Variants in FAM133A observed in about 807,000 individuals in gnomAD.
FAM133A encodes family with sequence similarity 133 member A, also known as protein FAM133A.
For missense variants in FAM133A, 159 were observed against 164.4 expected (o/e 0.97, Z 0.18); for synonymous variants, 65 against 58.6 (o/e 1.11, Z -0.50).
At chrX:93,708,471 C>T (rs1490278271) in intron 3 of FAM133A, among the ~76,000 whole-genome samples, 1 of 111,732 alleles carries the variant, frequency 8.9e-6, no homozygotes, top group Non-Finnish European at 1.9e-5. Context: ...TGTAAGGAGA[C>T]AATTTGGTGT....
chrX:93,685,856 C>G (rs1245040524), intron 2 of FAM133A, among the ~76,000 whole-genome samples: 1 of 111,391 alleles, frequency 9.0e-6, no homozygotes, highest in Non-Finnish European at 1.9e-5. Context: ...TGCCTGTAAT[C>G]CCAGCACTTT....
intron 2 of FAM133A, among the ~76,000 whole-genome samples, chrX:93,688,432 T>A (rs537608365): frequency 9.0e-6 from 1 of 111,335 alleles, no homozygotes; most frequent in Admixed American, 9.6e-5. Context: ...CTTGTTAGTA[T>A]CTTTTTTGAA....
intron 2 of FAM133A, among the ~76,000 whole-genome samples, chrX:93,684,728 C>T (rs142642587): frequency 0.02 from 2,266 of 111,033 alleles, 44 homozygotes; most frequent in African/African-American, 0.063. Context: ...TTCTGAATCA[C>T]GTTTTGAATT....
Position 93,701,719 on chromosome X carries a change from G to A in FAM133A, c.-104+3234G>A, listed in dbSNP as rs1037584888. Among the ~76,000 whole-genome samples, 11 of 111,796 alleles carry A rather than the reference G, an allele frequency of 9.8e-5. No individual in the cohort carries two copies. The South Asian group carries it at 4.1e-3, about 42-fold the overall frequency. ...AAACAAGTACCTTCTTGGAAAATGCGTATTTGAAGTTGGTATTTATGTATA... is the reference window on the plus strand; with the variant it reads ...AAACAAGTACCTTCTTGGAAAATGCATATTTGAAGTTGGTATTTATGTATA... On this transcript the variant is annotated intron_variant, in intron 3 of 3. Coordinates refer to ENST00000683942, the MANE Select transcript of FAM133A (RefSeq NM_001171109.2).
At chrX:93,697,006 G>T (rs1926336823) in intron 2 of FAM133A, among the ~76,000 whole-genome samples, 1 of 109,763 alleles carries the variant, frequency 9.1e-6, no homozygotes, top group African/African-American at 3.3e-5. Flanking sequence ...AGACTTCAAA[G>T]TCTATATACC....
At chrX:93,704,506 A>G (rs985132457) in intron 3 of FAM133A, among the ~76,000 whole-genome samples, 3 of 111,759 alleles carry the variant, frequency 2.7e-5, no homozygotes, top group Non-Finnish European at 5.7e-5. Context: ...AGGAATTTCC[A>G]GCTACTTTGA....
At chrX:93,677,465 T>A (rs894626038) in intron 2 of FAM133A, among the ~76,000 whole-genome samples, 11 of 111,604 alleles carry the variant, frequency 9.9e-5, no homozygotes, top group Non-Finnish European at 1.5e-4. Flanking sequence ...AATTCTTTTT[T>A]AAAAACCATT....
intron 2 of FAM133A, among the ~76,000 whole-genome samples, chrX:93,691,806 T>G (rs193148104): frequency 9.0e-6 from 1 of 111,635 alleles, no homozygotes; most frequent in African/African-American, 3.2e-5. Context: ...GTCTCTTCAT[T>G]TAGTTAGATA....
At chrX:93,698,132 G>A (rs1225139112) in intron 2 of FAM133A, among the ~76,000 whole-genome samples, 1 of 110,975 alleles carries the variant, frequency 9.0e-6, no homozygotes, top group Admixed American at 9.6e-5. Context: ...GGAGAGCAGG[G>A]AGCAATCTAT....
intron 2 of FAM133A, among the ~76,000 whole-genome samples, chrX:93,690,535 T>C (rs1452502900): frequency 8.9e-6 from 1 of 112,214 alleles, no homozygotes; most frequent in Non-Finnish European, 1.9e-5. Context: ...GTCCATGTTA[T>C]AGCATGGATC....
intron 3 of FAM133A, among the ~76,000 whole-genome samples, chrX:93,707,780 T>A: frequency 9.0e-6 from 1 of 111,400 alleles, no homozygotes; most frequent in East Asian, 2.8e-4. Flanking sequence ...GAGTTACCCA[T>A]CCATCCATCC....
chrX:93,682,436 G>T (rs899988436), intron 2 of FAM133A, among the ~76,000 whole-genome samples: 2 of 111,636 alleles, frequency 1.8e-5, no homozygotes, highest in East Asian at 2.8e-4. Context: ...GTCATTTATT[G>T]TGTGTACACA....
intron 2 of FAM133A, among the ~76,000 whole-genome samples, chrX:93,692,268 T>C (rs1388752430): frequency 3.6e-5 from 4 of 111,787 alleles, no homozygotes; most frequent in South Asian, 7.4e-4. Flanking sequence ...TTTCTGATGT[T>C]CACATTAGGT....
chrX:93,681,287 GTCTA>G lies in FAM133A; in HGVS notation c.-193+6559_-193+6562del, dbSNP rs55666833. On this transcript the variant is annotated intron_variant, in intron 2 of 3. Transcript: ENST00000683942. ...TTATATGATATCTTAGATATATTCT[GTCTA>G]TCTATCTATCTATCTATCTATCTTT... 1.6e-3 allele frequency among the ~76,000 whole-genome samples: 164 copies of G among 104,806 alleles called. 1 individual carries two copies. Among genetic ancestry groups the G allele is most frequent in the Middle Eastern group, 5.1e-3 (1 of 198 alleles). The allele number at this position is 104,806 out of a possible 115,157, so 91.0% of individuals were successfully genotyped here.
At chrX:93,678,256 C>A in intron 2 of FAM133A, among the ~76,000 whole-genome samples, 1 of 111,783 alleles carries the variant, frequency 8.9e-6, no homozygotes, top group African/African-American at 3.2e-5. Context: ...TCTTTATATA[C>A]TCTGGATGCA....
chrX:93,709,616 A>T lies in FAM133A; in HGVS notation c.197A>T (p.Asn66Ile). ...TTAGCTGAATTTGAAGAAAAAATGA[A>T]TGAAAATTGGAAGAAAGAACTTGAA... ...KALAEFEEKM[N>I]ENWKKELEKS... Residue 66 changes from asparagine to isoleucine, a missense_variant, in exon 4 of 4, where the codon AAT becomes ATT. Coordinates refer to ENST00000683942, the MANE Select transcript of FAM133A (RefSeq NM_001171109.2). The T allele has an allele frequency of 8.4e-7, 1 of 1,196,923 alleles. No individual in the cohort carries two copies. The highest frequency in any genetic ancestry group is 1.1e-6 in the Non-Finnish European group (1 of 890,835).
Position 93,711,720 on chromosome X carries a change from G to C in FAM133A, c.*1554G>C, listed in dbSNP as rs1195368777. On this transcript the variant is annotated 3_prime_UTR_variant, in exon 4 of 4. Transcript: ENST00000683942. ...GTTGGCTGCCAAATTTTTTGCATTGGAAATACTGGAATCTCTCATTAAAGT... is the reference window on the plus strand; with the variant it reads ...GTTGGCTGCCAAATTTTTTGCATTGCAAATACTGGAATCTCTCATTAAAGT... The C allele has an allele frequency of 1.6e-5, 2 of 122,446 alleles. No individual in the cohort carries two copies. The highest frequency in any genetic ancestry group is 3.8e-5 in the Non-Finnish European group (2 of 53,063). The allele number at this position is 122,446 out of a possible 1,213,427, so 10.1% of individuals were successfully genotyped here.
At chrX:93,700,128 A>T (rs1926595048) in intron 3 of FAM133A, among the ~76,000 whole-genome samples, 1 of 109,762 alleles carries the variant, frequency 9.1e-6, no homozygotes, top group Non-Finnish European at 1.9e-5. Context: ...CATGAAATTG[A>T]TTTTTAGAGG....
chrX:93,692,974 T>C (rs932730937), intron 2 of FAM133A, among the ~76,000 whole-genome samples: 9 of 111,570 alleles, frequency 8.1e-5, no homozygotes, highest in African/African-American at 2.9e-4. Context: ...AGGAAAGGTT[T>C]CCAGCCAAAG....
Sources: gnomAD v4.1 joint callset for allele counts (sites outside exome capture counted in the v4.1 genomes callset) on GRCh38, gnomAD v4.1.1 for gene constraint, MANE v1.5 for transcripts, NCBI Gene and HGNC (gene_info 2026-07-23, HGNC 2026-07-21) for gene names.